Variants in PAIP2 observed in about 807,000 individuals in gnomAD.
PAIP2 encodes the protein polyadenylate-binding protein-interacting protein 2.
PAIP2 carries 7 observed loss-of-function variants against 14.8 expected under a neutral mutation model. The observed-to-expected ratio is 0.47, with a 90% CI of 0.27 to 0.89. The LOEUF is 0.89. PAIP2 is among the 40% of genes least tolerant of loss of function. The pLI is 0.13. For missense variants in PAIP2, 122 were observed against 154.7 expected, an observed-to-expected ratio of 0.79 and a Z score of 1.12; for synonymous variants, 47 against 45.3, an observed-to-expected ratio of 1.04 and a Z score of -0.15.
intron 1 of PAIP2, among the ~76,000 whole-genome samples, chr5:139,352,499 G>GTTTTTTTTTT (rs1561959065): frequency 4.7e-5 from 6 of 128,954 alleles, no homozygotes; most frequent in South Asian, 2.3e-4. Flanking sequence ...TTTTTTTTTT[G>GTTTTTTTTTT]TTGTTTTTTT....
chr5:139,367,020 G>A (rs746493270), intron 3 of PAIP2, among the ~76,000 whole-genome samples: 3 of 152,118 alleles, frequency 2.0e-5, no homozygotes, highest in Non-Finnish European at 2.9e-5. Flanking sequence ...TGATTGTTCC[G>A]CTGCCCTCCA....
At chr5:139,355,166 CTTTT>C (rs758442291) in intron 1 of PAIP2, among the ~76,000 whole-genome samples, 4 of 118,740 alleles carry the variant, frequency 3.4e-5, no homozygotes. Context: ...TTGTCTCTCT[CTTTT>C]TTTTTTTTTT....
At chr5:139,346,721 G>A (rs1357750710) in intron 1 of PAIP2, among the ~76,000 whole-genome samples, 1 of 151,292 alleles carries the variant, frequency 6.6e-6, no homozygotes, top group Admixed American at 6.6e-5. Context: ...TAGAGACGGG[G>A]TTTCGCCCAA....
chr5:139,356,203 T>C (rs1361666926), intron 1 of PAIP2, among the ~76,000 whole-genome samples: 1 of 151,746 alleles, frequency 6.6e-6, no homozygotes, highest in Non-Finnish European at 1.5e-5. Context: ...ATACCAGCAC[T>C]TTGGGAGACC....
chr5:139,358,050 A>G (rs1378005451), intron 1 of PAIP2, among the ~76,000 whole-genome samples: 1 of 151,830 alleles, frequency 6.6e-6, no homozygotes, highest in East Asian at 1.9e-4. Flanking sequence ...GTAGTTCTGT[A>G]GAGATAGGGG....
At chr5:139,365,516 A>G (rs1446914166) in intron 3 of PAIP2, among the ~76,000 whole-genome samples, 1 of 151,576 alleles carries the variant, frequency 6.6e-6, no homozygotes, top group Non-Finnish European at 1.5e-5. Context: ...AAATACAAAA[A>G]TTAGCTGGAC....
intron 1 of PAIP2, among the ~76,000 whole-genome samples, chr5:139,356,021 C>G (rs1283739233): frequency 1.3e-5 from 2 of 151,972 alleles, no homozygotes; most frequent in Non-Finnish European, 2.9e-5. Flanking sequence ...GCCTGTGATC[C>G]CAGCTACTTG....
chr5:139,366,182 G>A (rs1332227484), intron 3 of PAIP2, among the ~76,000 whole-genome samples: 2 of 124,796 alleles, frequency 1.6e-5, no homozygotes, highest in Admixed American at 1.0e-4. Context: ...TAGCCTGGGC[G>A]ACAGAGTGAG....
chr5:139,357,435 T>C (rs1233804054), intron 1 of PAIP2, among the ~76,000 whole-genome samples: 2 of 152,186 alleles, frequency 1.3e-5, no homozygotes, highest in African/African-American at 4.8e-5. Flanking sequence ...TTAACTGTTT[T>C]TGACAAATAT....
Position 139,363,822 on chromosome 5 carries a change from T to C in PAIP2, c.38T>C (p.Ile13Thr). 1 of 1,614,168 alleles carries C rather than the reference T, an allele frequency of 6.2e-7. No individual in the cohort carries two copies. Among genetic ancestry groups the C allele is most frequent in the Non-Finnish European group, 8.5e-7 (1 of 1,179,980 alleles). ...AGTCGCAGCAGTACTAGCCCAAGCATCATCAATGAAGATGTGATTATTAAC... is the reference window on the plus strand; with the variant it reads ...AGTCGCAGCAGTACTAGCCCAAGCACCATCAATGAAGATGTGATTATTAAC... Reference protein sequence around the residue: ...DPSRSSTSPSIINEDVIINGH... With the variant: ...DPSRSSTSPSTINEDVIINGH... The change falls in exon 2 of 4, where the codon ATC (isoleucine) becomes ACC (threonine). Residue 13 changes from isoleucine (I) to threonine (T), a missense_variant. Around this residue, in one of 3 missense-constraint regions of PAIP2, gnomAD observed 42 missense variants for 36.7 expected, o/e 1.15. Coordinates refer to ENST00000265192, the MANE Select transcript of PAIP2 (RefSeq NM_016480.5).
chr5:139,364,137 C>CT, intron 2 of PAIP2: 1 of 535,910 alleles, frequency 1.9e-6, no homozygotes, highest in South Asian at 2.4e-5. Context: ...CTAGAGATGT[C>CT]TGAATCAGGA....
chr5:139,367,671 C>A (rs1270540489), intron 3 of PAIP2: 1 of 152,066 alleles, frequency 6.6e-6, no homozygotes, highest in East Asian at 1.9e-4. Flanking sequence ...AAAAACAACT[C>A]CACATTTTTA....
intron 1 of PAIP2, among the ~76,000 whole-genome samples, chr5:139,346,442 T>C (rs1756552256): frequency 6.6e-6 from 1 of 151,944 alleles, no homozygotes; most frequent in South Asian, 2.1e-4. Flanking sequence ...TTTCACCATG[T>C]TGGCCAGGAT....
In PAIP2 at chr5:139,352,503, T is replaced by G. The variant is rs1373929282; in HGVS notation, c.-27+10523T>G. 7.2e-5 allele frequency among the ~76,000 whole-genome samples: 9 copies of G among 124,460 alleles called. 1 individual carries two copies. Among genetic ancestry groups the G allele is most frequent in the African/African-American group, 1.3e-4 (4 of 31,684 alleles). 81.7% of individuals were successfully genotyped at this position (124,460 alleles called of 152,430 possible). On this transcript the variant is annotated intron_variant, in intron 1 of 3. Transcript: ENST00000265192. The stretch of plus-strand genomic sequence containing the variant: ...ATTCCTGCCAGTTTTTTTTTTGTTG[T>G]TTTTTTTTTTTGAGATGGAGTTTCG...
Position 139,353,107 on chromosome 5 carries a change from C to CA in PAIP2, c.-26-10638dup, listed in dbSNP as rs78396923. On this transcript the variant is annotated intron_variant, in intron 1 of 3. Coordinates refer to ENST00000265192, the MANE Select transcript of PAIP2 (RefSeq NM_016480.5). ...GGGCAACAAGAATGAAACTCTGTCTCAAAAAAAAAAAAAAGTAACAGCTGA... is the reference window on the plus strand; with the variant it reads ...GGGCAACAAGAATGAAACTCTGTCTCAAAAAAAAAAAAAAAGTAACAGCTGA... 4.5e-3 allele frequency among the ~76,000 whole-genome samples: 580 copies of CA among 129,930 alleles called. 4 individuals are homozygous for CA. Among genetic ancestry groups the CA allele is most frequent in the African/African-American group, 0.012 (428 of 35,138 alleles). The allele number at this position is 129,930 out of a possible 152,430, so 85.2% of individuals were successfully genotyped here. A position where few individuals can be genotyped will look rare whatever the true frequency, so the allele number is the denominator to read the frequency against.
At chr5:139,355,688 C>T (rs975534361) in intron 1 of PAIP2, among the ~76,000 whole-genome samples, 1 of 150,680 alleles carries the variant, frequency 6.6e-6, no homozygotes, top group African/African-American at 2.4e-5. Context: ...AACCCCTTCT[C>T]TGCTAAAATA....
At chr5:139,354,661 C>T (rs1756853095) in intron 1 of PAIP2, among the ~76,000 whole-genome samples, 1 of 152,178 alleles carries the variant, frequency 6.6e-6, no homozygotes, top group Middle Eastern at 3.4e-3. Context: ...TTGATGTCTC[C>T]TGGGTCTGTC....
chr5:139,365,140 A>G (rs1757177637), intron 3 of PAIP2: 1 of 99,286 alleles, frequency 1.0e-5, no homozygotes, highest in Admixed American at 1.2e-4. Context: ...GTGAAACTCT[A>G]TTAAATAAAT....
chr5:139,363,458 T>C (rs532069497), intron 1 of PAIP2, among the ~76,000 whole-genome samples: 1 of 152,248 alleles, frequency 6.6e-6, no homozygotes, highest in South Asian at 2.1e-4. Flanking sequence ...TGGTGGCTCA[T>C]GCATATAATC....
Sources: gnomAD v4.1 joint callset for allele counts (sites outside exome capture counted in the v4.1 genomes callset) on GRCh38, gnomAD v4.1.1 for gene constraint, gnomAD v4.1.1 regional missense constraint, MANE v1.5 for transcripts, NCBI Gene and HGNC (gene_info 2026-07-23, HGNC 2026-07-21) for gene names.